The following MGAT5B variants were observed in gnomAD, a reference collection of about 807,000 sequenced individuals.
MGAT5B encodes alpha-1,6-mannosylglycoprotein 6-beta-N-acetylglucosaminyltransferase B, also known as N-acetylglucosaminyl-transferase Vb.
In MGAT5B, 54 loss-of-function variants were observed where a neutral mutation model predicts 95.1. The observed-to-expected ratio is 0.57, with a 90% CI of 0.46 to 0.71. The LOEUF (loss-of-function observed/expected upper bound fraction) is 0.71. MGAT5B is among the 30% of genes least tolerant of loss of function. The pLI is 0.00. For synonymous variants in MGAT5B, 464 were observed against 451.0 expected, an observed-to-expected ratio of 1.03 and a Z score of -0.36; for missense variants, 935 against 1,088.6, an observed-to-expected ratio of 0.86 and a Z score of 1.99.
At chr17:76,875,926 C>T (rs1045704047) in intron 2 of MGAT5B, among the ~76,000 whole-genome samples, 5 of 151,998 alleles carry the variant, frequency 3.3e-5, no homozygotes, top group Non-Finnish European at 7.4e-5. Flanking sequence ...TTTCCCAGGC[C>T]TCAGAAGCTG....
intron 10 of MGAT5B, among the ~76,000 whole-genome samples, chr17:76,928,603 G>A (rs973628125): frequency 2.6e-5 from 4 of 152,088 alleles, no homozygotes; most frequent in Non-Finnish European, 5.9e-5. Context: ...TACTCAGGAG[G>A]CTGAGGCAGG....
At position 76,909,205 on chromosome 17, in the gene MGAT5B, C is replaced by T. The variant is rs184682522; in HGVS notation, c.1025+3018C>T. 2.3e-3 allele frequency among the ~76,000 whole-genome samples: 343 copies of T among 151,872 alleles called. 3 individuals are homozygous for T. Among genetic ancestry groups the T allele is most frequent in the African/African-American group, 7.8e-3 (324 of 41,392 alleles). On this transcript the variant is annotated intron_variant, in intron 8 of 17. Transcript: ENST00000569840. ...TCTCAAACTCGTGGGCTCAAGTCAT[C>T]TGCCTGCCTCAGCCTCCCAAAGTGC...
chr17:76,938,078 GC>G lies in MGAT5B; in HGVS notation c.1521del (p.Phe508LeufsTer2), dbSNP rs1567824150. The G allele has an allele frequency of 1.9e-6, 3 of 1,614,280 alleles. No individual in the cohort carries two copies. The highest frequency in any genetic ancestry group is 2.5e-6 in the Non-Finnish European group (3 of 1,180,054). On this transcript the variant is annotated frameshift_variant, in exon 13 of 18. Transcript: ENST00000569840. LOFTEE classifies it high-confidence loss of function. This position sits in a 1 kb window ranked among gnomAD's most constrained non-coding sequence, Gnocchi z 4.3. The part of the protein sequence containing the change: ...YESQRPPEVP[A>X]FVKNHGLLPQ... ...GAGCCAGCGGCCCCCCGAGGTGCCA[GC>G]CTTTGTGAAGAACCACGGCCTCTTA... is the stretch of plus-strand genomic sequence containing the variant.
At chr17:76,936,545 C>T (rs114581201) in intron 12 of MGAT5B, among the ~76,000 whole-genome samples, 1,567 of 152,222 alleles carry the variant, frequency 0.01, 21 homozygotes, top group African/African-American at 0.035. Context: ...ACAAAGATTT[C>T]TTTCCTGTTT....
chr17:76,879,396 T>C (rs941740172), intron 2 of MGAT5B, among the ~76,000 whole-genome samples: 53 of 152,280 alleles, frequency 3.5e-4, no homozygotes, highest in African/African-American at 1.2e-3. Context: ...CAGGCCTGAG[T>C]GCTCTGGCCA....
intron 12 of MGAT5B, among the ~76,000 whole-genome samples, chr17:76,935,840 AC>A (rs374069564): frequency 2.6e-5 from 2 of 77,524 alleles, no homozygotes; most frequent in Non-Finnish European, 5.4e-5. Flanking sequence ...TATATTATAT[AC>A]ATTATATATA....
At chr17:76,885,456 C>T (rs1839637883) in intron 3 of MGAT5B, among the ~76,000 whole-genome samples, 1 of 152,160 alleles carries the variant, frequency 6.6e-6, no homozygotes, top group Non-Finnish European at 1.5e-5. Flanking sequence ...TCCAGTGGAC[C>T]CCTGGACTCC....
intron 9 of MGAT5B, among the ~76,000 whole-genome samples, chr17:76,926,172 A>T (rs536754275): frequency 6.6e-6 from 1 of 152,140 alleles, no homozygotes; most frequent in Non-Finnish European, 1.5e-5. Flanking sequence ...GACTGGGCAC[A>T]TCCAGGGGTG....
At chr17:76,876,565 T>A (rs568397786) in intron 2 of MGAT5B, among the ~76,000 whole-genome samples, 4 of 152,048 alleles carry the variant, frequency 2.6e-5, no homozygotes, top group South Asian at 2.1e-4. Context: ...GGGTCCCACA[T>A]GGACTGTGGC....
In MGAT5B at chr17:76,869,025, G is replaced by C. The variant is rs184626348; in HGVS notation, c.-5G>C. 80 of 1,613,834 alleles carry C rather than the reference G, an allele frequency of 5.0e-5. No homozygotes were observed. The African/African-American group carries it at 9.6e-4, about 19-fold the overall frequency. ...CGCGGCTGCTCGCACCAACAAGTTT[G>C]AACAATGATCACCGTCAACCCCGAT... On this transcript the variant is annotated 5_prime_UTR_variant, in exon 1 of 18. Transcript: ENST00000569840. This position sits in a 1 kb window ranked among gnomAD's most constrained non-coding sequence, Gnocchi z 7.0.
chr17:76,901,328 G>A (rs1299126928), intron 3 of MGAT5B, among the ~76,000 whole-genome samples: 2 of 151,710 alleles, frequency 1.3e-5, no homozygotes, highest in African/African-American at 4.9e-5. Context: ...CTTGTATAGG[G>A]ATAAACGGAG....
intron 12 of MGAT5B, among the ~76,000 whole-genome samples, chr17:76,933,755 A>G (rs140175914): frequency 1.5e-3 from 225 of 152,294 alleles, no homozygotes; most frequent in African/African-American, 5.1e-3. Context: ...CCCCAAAATA[A>G]TCGTGATTTA....
intron 3 of MGAT5B, among the ~76,000 whole-genome samples, chr17:76,897,496 A>G (rs78156712): frequency 0.027 from 4,169 of 152,028 alleles, 185 homozygotes; most frequent in African/African-American, 0.093. Context: ...CCACAGATGC[A>G]TCACTCCGCT....
In MGAT5B at chr17:76,940,392, G is replaced by A. The variant is rs1187786829; in HGVS notation, c.1585-10G>A. On this transcript the variant is annotated splice_polypyrimidine_tract_variant and intron_variant, in intron 13 of 17. Transcript: ENST00000569840. This position sits in a 1 kb window ranked among gnomAD's most constrained non-coding sequence, Gnocchi z 4.3. Reference sequence around the variant, plus strand: ...GCCCTCCCTGATCACTGCGCCCCTTGACTCTGCAGCTCTTCATCGGGTTTG... The same window carrying A: ...GCCCTCCCTGATCACTGCGCCCCTTAACTCTGCAGCTCTTCATCGGGTTTG... 1 of 1,591,778 alleles carries A rather than the reference G, an allele frequency of 6.3e-7. No individual in the cohort carries two copies.
chr17:76,922,244 C>T (rs1233725123), intron 8 of MGAT5B, among the ~76,000 whole-genome samples: 1 of 152,178 alleles, frequency 6.6e-6, no homozygotes, highest in African/African-American at 2.4e-5. Flanking sequence ...CCTAGACCCA[C>T]CTACGGTTTG....
At chr17:76,919,681 T>G (rs903950850) in intron 8 of MGAT5B, among the ~76,000 whole-genome samples, 6 of 152,214 alleles carry the variant, frequency 3.9e-5, no homozygotes, top group African/African-American at 1.4e-4. Flanking sequence ...TCCTCCCACC[T>G]AGGCCACCTA....
In MGAT5B at chr17:76,940,347, T is replaced by C. The variant is rs920851; in HGVS notation, c.1585-55T>C. On this transcript the variant is annotated intron_variant, in intron 13 of 17. Coordinates refer to ENST00000569840, the MANE Select transcript of MGAT5B (RefSeq NM_001199172.2). This position sits in a 1 kb window ranked among gnomAD's most constrained non-coding sequence, Gnocchi z 4.3. ...ACCTTGTCCCCGGCATCCTGGTGCT[T>C]ACTGGGCTGTGGCGGCCCAGCCCTC... 286,176 of 1,515,412 alleles carry C rather than the reference T, an allele frequency of 0.19. 29,041 individuals are homozygous for C. Among genetic ancestry groups the C allele is most frequent in the Admixed American group, 0.33 (15,583 of 46,892 alleles). The allele number at this position is 1,515,412 out of a possible 1,614,324, so 93.9% of individuals were successfully genotyped here.
intron 2 of MGAT5B, among the ~76,000 whole-genome samples, chr17:76,876,267 G>A (rs1967184417): frequency 6.6e-6 from 1 of 152,092 alleles, no homozygotes; most frequent in South Asian, 2.1e-4. Context: ...CTGAGGGAAG[G>A]ATTAGGGCTT....
chr17:76,919,644 T>C (rs1252288960), intron 8 of MGAT5B, among the ~76,000 whole-genome samples: 1 of 152,214 alleles, frequency 6.6e-6, no homozygotes, highest in East Asian at 1.9e-4. Context: ...TCATCCAGGC[T>C]GGTCTCAAAC....
Sources: gnomAD v4.1 joint callset for allele counts (sites outside exome capture counted in the v4.1 genomes callset) on GRCh38, gnomAD v4.1.1 for gene constraint, Gnocchi (gnomAD v3.1) non-coding constraint, MANE v1.5 for transcripts, NCBI Gene and HGNC (gene_info 2026-07-23, HGNC 2026-07-21) for gene names.